Variants in CAST observed in about 807,000 individuals in gnomAD.
CAST encodes the protein calpastatin.
CAST carries 76 observed loss-of-function variants against 119.6 expected under a neutral mutation model. The ratio of observed to expected loss-of-function variants is 0.64; its 90% confidence interval spans 0.53 to 0.77. CAST has a LOEUF of 0.77. Among genes scored for constraint, CAST ranks in the 30% least tolerant of loss-of-function variants. The pLI is 0.00. For synonymous variants in CAST, 319 were observed against 331.6 expected, an observed-to-expected ratio of 0.96 and a Z score of 0.41; for missense variants, 953 against 946.5, an observed-to-expected ratio of 1.01 and a Z score of -0.09.
chr5:96,006,395 T>C, the CAST span, among the ~76,000 whole-genome samples: 1 of 151,050 alleles, frequency 6.6e-6, no homozygotes. Context: ...AAAAAAATCA[T>C]AATGTTTTAA....
the CAST span, among the ~76,000 whole-genome samples, chr5:96,077,404 G>T: frequency 6.6e-6 from 1 of 152,018 alleles, no homozygotes; most frequent in Admixed American, 6.6e-5. Context: ...GCTTTAATTT[G>T]CATTTCTTTG....
the CAST span, among the ~76,000 whole-genome samples, chr5:96,238,227 TCA>T: frequency 6.6e-5 from 10 of 152,232 alleles, no homozygotes; most frequent in African/African-American, 2.4e-4. Context: ...AAAAATGACA[TCA>T]CACTATATTT....
the CAST span, among the ~76,000 whole-genome samples, chr5:96,386,195 T>C: frequency 1.3e-5 from 2 of 152,218 alleles, no homozygotes; most frequent in Non-Finnish European, 2.9e-5. Flanking sequence ...TGTTTGAAAA[T>C]TGTTACTCCA....
chr5:96,139,944 C>T, the CAST span, among the ~76,000 whole-genome samples: 2 of 152,088 alleles, frequency 1.3e-5, no homozygotes, highest in East Asian at 3.8e-4. Context: ...AAATGCTTTA[C>T]ATCCATTGCA....
At chr5:96,457,242 C>G in the CAST span, among the ~76,000 whole-genome samples, 1 of 152,118 alleles carries the variant, frequency 6.6e-6, no homozygotes, top group Non-Finnish European at 1.5e-5. Context: ...TGCTTCAGAC[C>G]CATTTCCATT....
At chr5:95,967,542 T>C in the CAST span, among the ~76,000 whole-genome samples, 868 of 152,302 alleles carry the variant, frequency 5.7e-3, 19 homozygotes, top group East Asian at 0.044. Flanking sequence ...AGGGACCCAA[T>C]GGGAGGTAAT....
chr5:96,524,477 A>T (rs535872013), upstream of CAST, among the ~76,000 whole-genome samples: 1 of 152,310 alleles, frequency 6.6e-6, no homozygotes, highest in Non-Finnish European at 1.5e-5. Flanking sequence ...TCCAGCAGGG[A>T]GTGGAGACCA....
the CAST span, chr5:96,432,886 G>C: frequency 3.1e-6 from 5 of 1,613,918 alleles, no homozygotes; most frequent in Admixed American, 1.7e-5. Flanking sequence ...TCATAGCCCA[G>C]CTCCTCGGCG....
the CAST span, among the ~76,000 whole-genome samples, chr5:96,247,195 T>C: frequency 5.3e-5 from 8 of 152,208 alleles, no homozygotes; most frequent in Admixed American, 3.3e-4. Context: ...TCCTTTATTT[T>C]TCTGTTTCTA....
the CAST span, among the ~76,000 whole-genome samples, chr5:96,061,903 A>G: frequency 6.6e-6 from 1 of 152,132 alleles, no homozygotes; most frequent in African/African-American, 2.4e-5. Context: ...ATGAATGTCT[A>G]ACCGAGTGGA....
intron 16 of CAST, chr5:96,743,550 GT>G: frequency 6.4e-7 from 1 of 1,559,530 alleles, no homozygotes; most frequent in Non-Finnish European, 8.7e-7. Flanking sequence ...GTCACTTCCT[GT>G]TCTGAGTCAT....
chr5:96,768,087 C>CAA, intron 29 of CAST, 88 bp downstream of exon 29: 1 of 890,948 alleles, frequency 1.1e-6, no homozygotes, highest in Non-Finnish European at 1.9e-6. Context: ...ATTGATCTAT[C>CAA]TATCGGTCTG....
chr5:96,617,566 A>T (rs4869298), intron 1 of CAST, among the ~76,000 whole-genome samples: 3 of 151,852 alleles, frequency 2.0e-5, no homozygotes, highest in South Asian at 4.2e-4. Context: ...AAGGCGGGCG[A>T]ATCACAAGGT....
At chr5:96,760,862 CAAT>C (rs1235954835) in intron 24 of CAST, 2 of 151,466 alleles carry the variant, frequency 1.3e-5, no homozygotes, top group Non-Finnish European at 1.5e-5. Flanking sequence ...TTTTATAACT[CAAT>C]AAAATTATTC....
At chr5:96,353,157 A>T in the CAST span, among the ~76,000 whole-genome samples, 2 of 152,324 alleles carry the variant, frequency 1.3e-5, no homozygotes, top group Middle Eastern at 3.4e-3. Context: ...TTTTTGAACA[A>T]GCACATAAAC....
At chr5:96,270,336 C>G in the CAST span, among the ~76,000 whole-genome samples, 1 of 152,062 alleles carries the variant, frequency 6.6e-6, no homozygotes, top group African/African-American at 2.4e-5. Context: ...TGGAACAAGA[C>G]AAGGATGCCC....
At chr5:96,472,494 T>C in the CAST span, among the ~76,000 whole-genome samples, 1 of 152,164 alleles carries the variant, frequency 6.6e-6, no homozygotes, top group African/African-American at 2.4e-5. Context: ...AAATAATTGT[T>C]GAATAAATGG....
the CAST span, among the ~76,000 whole-genome samples, chr5:96,109,045 C>T: frequency 3.3e-5 from 5 of 152,370 alleles, no homozygotes; most frequent in East Asian, 1.9e-4. Context: ...TGACCCCTTG[C>T]GCTTTCTGAG....
chr5:96,328,409 C>T, the CAST span, among the ~76,000 whole-genome samples: 1 of 150,324 alleles, frequency 6.7e-6, no homozygotes, highest in Non-Finnish European at 1.5e-5. Flanking sequence ...CTCTCTCTCT[C>T]TCTCTCTCTC....
Sources: allele counts gnomAD v4.1 joint callset (sites outside exome capture counted in the v4.1 genomes callset), GRCh38; gene constraint gnomAD v4.1.1; transcripts MANE v1.5; gene names NCBI Gene and HGNC (gene_info 2026-07-23, HGNC 2026-07-21).